The following SMC1A variants were observed in gnomAD, a reference collection of about 807,000 sequenced individuals.
SMC1A encodes structural maintenance of chromosomes protein 1A.
SMC1A carries 4 observed loss-of-function variants against 94.5 expected under a neutral mutation model. That is an observed-to-expected ratio of 0.04 (90% CI 0.02 to 0.10). The LOEUF is 0.10. Ranked by LOEUF, SMC1A falls within the 10% of genes least tolerant of loss-of-function variation. The pLI is 1.00. For synonymous variants in SMC1A, 345 were observed against 347.7 expected (o/e 0.99, Z 0.09); for missense variants, 304 against 989.0 (o/e 0.31, Z 9.29).
At chrX:53,384,006 T>A (rs782186822) in intron 19 of SMC1A, among the ~76,000 whole-genome samples, 23 of 111,783 alleles carry the variant, frequency 2.1e-4, no homozygotes, top group Non-Finnish European at 4.0e-4. Flanking sequence ...AACTCAGAGA[T>A]CAGGAGATTG....
intron 1 of SMC1A, chrX:53,421,800 GATAAACA>G (rs782543879): frequency 6.5e-6 from 6 of 929,612 alleles, no homozygotes; most frequent in Non-Finnish European, 8.8e-6. Flanking sequence ...AATAACTCCT[GATAAACA>G]ATAAGCATTC....
At chrX:53,409,908 T>C (rs1344920546) in intron 7 of SMC1A, among the ~76,000 whole-genome samples, 1 of 112,390 alleles carries the variant, frequency 8.9e-6, no homozygotes, top group African/African-American at 3.2e-5. Context: ...TCACATTATT[T>C]TTAAAAAATT....
intron 19 of SMC1A, among the ~76,000 whole-genome samples, chrX:53,387,685 G>A (rs1442607958): frequency 1.8e-5 from 2 of 111,135 alleles, no homozygotes; most frequent in Non-Finnish European, 3.8e-5. Flanking sequence ...AAATGGGGAG[G>A]ATGAATCTGG....
intron 19 of SMC1A, among the ~76,000 whole-genome samples, chrX:53,383,784 T>C (rs1329059689): frequency 8.0e-5 from 9 of 112,661 alleles, no homozygotes; most frequent in Non-Finnish European, 7.5e-5. Context: ...TAAATATTTA[T>C]TGAATGCCTA....
At chrX:53,385,256 GTTTTTT>G (rs59355116) in intron 19 of SMC1A, among the ~76,000 whole-genome samples, 1 of 88,426 alleles carries the variant, frequency 1.1e-5, no homozygotes, top group Non-Finnish European at 2.2e-5. Flanking sequence ...TCCAGAATAG[GTTTTTT>G]TTTTTTTTTT....
intron 19 of SMC1A, 152 bp downstream of exon 19, chrX:53,394,626 G>A (rs1021343026): frequency 2.1e-6 from 1 of 472,921 alleles, no homozygotes; most frequent in Non-Finnish European, 3.7e-6. Flanking sequence ...CCTCACAACT[G>A]AATCCTCCCA....
chrX:53,399,783 A>T (rs893431525), intron 15 of SMC1A, 53 bp from the exon 16 acceptor site: 47 of 1,123,747 alleles, frequency 4.2e-5, no homozygotes, highest in Non-Finnish European at 5.4e-5. Flanking sequence ...GCCAGAGATA[A>T]CCAATGTACA....
chrX:53,401,910 CT>C (rs1200121305), intron 15 of SMC1A, among the ~76,000 whole-genome samples: 79 of 102,089 alleles, frequency 7.7e-4, no homozygotes, highest in Non-Finnish European at 6.2e-4. Flanking sequence ...TTATTTGCCA[CT>C]TTTTTTTTTT....
At chrX:53,389,243 T>C (rs913769641) in intron 19 of SMC1A, among the ~76,000 whole-genome samples, 2 of 106,189 alleles carry the variant, frequency 1.9e-5, no homozygotes, top group Non-Finnish European at 3.9e-5. Context: ...AACAAAAAAA[T>C]AGTGCAAAGA....
chrX:53,376,395 G>C lies in SMC1A; in HGVS notation c.*3708C>G, dbSNP rs191172316. On this transcript the variant is annotated 3_prime_UTR_variant, in exon 25 of 25. Coordinates refer to ENST00000322213, the MANE Select transcript of SMC1A (RefSeq NM_006306.4). ...TCCAAATCTTCACCCCAGACTTAAT[G>C]AATGTTTTAGGGGCCGGGGCCCAGA... The C allele has an allele frequency of 4.5e-5, 5 of 111,574 alleles. No homozygotes were observed. In the East Asian group the frequency reaches 1.4e-3, roughly 32 times the overall value. The allele number at this position is 111,574 out of a possible 1,213,427, so 9.2% of individuals were successfully genotyped here.
chrX:53,388,122 T>C (rs4830372), intron 19 of SMC1A, among the ~76,000 whole-genome samples: 4,217 of 111,031 alleles, frequency 0.038, 131 homozygotes, highest in Admixed American at 0.12. Flanking sequence ...GAAGCATGGC[T>C]GCAAACCACA....
At chrX:53,415,267 A>C in intron 1 of SMC1A, 98 bp from the exon 2 acceptor site, 1 of 662,810 alleles carries the variant, frequency 1.5e-6, no homozygotes, top group Non-Finnish European at 2.4e-6. Context: ...TCCCCTAATC[A>C]CTCAGTACTC....
chrX:53,380,636 A>G lies in SMC1A; in HGVS notation c.3602T>C (p.Ile1201Thr). ...CCGCCCTACCTCAGGATAGACTCCAATGAGGCTCTCGGCCTTGGTGTAGAA... is the reference window on the plus strand; with the variant it reads ...CCGCCCTACCTCAGGATAGACTCCAGTGAGGCTCTCGGCCTTGGTGTAGAA... ...EEFYTKAESLIGVYPEQGDCV... is the reference protein window; with the variant it reads ...EEFYTKAESLTGVYPEQGDCV... The change falls in exon 24 of 25, where the codon ATT becomes ACT. Residue 1201 changes from isoleucine to threonine, a missense_variant. Physicochemically the swap from Ile to Thr is moderately conservative, Grantham distance 89 (BLOSUM62 -1). Transcript: ENST00000322213. 2 of 1,198,482 alleles carry G rather than the reference A, an allele frequency of 1.7e-6. No homozygotes were observed. Among genetic ancestry groups the G allele is most frequent in the Non-Finnish European group, 2.3e-6 (2 of 883,571 alleles).
chrX:53,393,638 T>TA (rs1227420585), intron 19 of SMC1A, among the ~76,000 whole-genome samples: 3 of 111,074 alleles, frequency 2.7e-5, no homozygotes, highest in African/African-American at 9.8e-5. Flanking sequence ...ATGGGGGGTA[T>TA]AAAAAATAAG....
intron 22 of SMC1A, among the ~76,000 whole-genome samples, chrX:53,381,360 C>T (rs2075582350): frequency 8.9e-6 from 1 of 111,960 alleles, no homozygotes; most frequent in African/African-American, 3.2e-5. Context: ...GGAGCTAAAG[C>T]TGTCCAAGGT....
chrX:53,405,705 C>G, intron 10 of SMC1A, 33 bp from the exon 11 acceptor site: 5 of 1,209,805 alleles, frequency 4.1e-6, no homozygotes, highest in Non-Finnish European at 5.6e-6. Flanking sequence ...TGGCAGAACA[C>G]AAACAGGGAG....
At chrX:53,391,298 AGAGT>A (rs2075628696) in intron 19 of SMC1A, among the ~76,000 whole-genome samples, 1 of 110,423 alleles carries the variant, frequency 9.1e-6, no homozygotes, top group South Asian at 3.8e-4. Context: ...CCTGGGTGAC[AGAGT>A]GAGACTCCGT....
chrX:53,407,795 T>C (rs782170925), intron 9 of SMC1A, among the ~76,000 whole-genome samples: 8 of 111,595 alleles, frequency 7.2e-5, no homozygotes, highest in Non-Finnish European at 1.5e-4. Flanking sequence ...AAGTGAAGTG[T>C]TGTGCTGGTT....
intron 1 of SMC1A, among the ~76,000 whole-genome samples, chrX:53,419,823 CAA>C (rs782629535): frequency 1.1e-4 from 8 of 70,129 alleles, no homozygotes; most frequent in Admixed American, 1.7e-4. Flanking sequence ...GACTTCATCT[CAA>C]AAAAAAAAAA....
Sources: gnomAD v4.1 joint callset for allele counts (sites outside exome capture counted in the v4.1 genomes callset) on GRCh38, gnomAD v4.1.1 for gene constraint, MANE v1.5 for transcripts, NCBI Gene and HGNC (gene_info 2026-07-23, HGNC 2026-07-21) for gene names.